Variants in GSE1 observed in about 807,000 individuals in gnomAD.
GSE1 encodes Gse1 coiled-coil protein, also known as genetic suppressor element 1.
In GSE1, 32 loss-of-function variants were observed where a neutral mutation model predicts 112.6. The observed-to-expected ratio is 0.28, with a 90% CI of 0.21 to 0.38. The LOEUF (loss-of-function observed/expected upper bound fraction) is 0.38. GSE1 is among the 10% of genes least tolerant of loss of function. The pLI, the probability that GSE1 is intolerant of heterozygous loss-of-function variation, is 1.00. For synonymous variants in GSE1, 1,115 were observed against 735.6 expected (o/e 1.52, Z -8.35); for missense variants, 2,348 against 1,699.2 (o/e 1.38, Z -6.71).
At chr16:85,329,999 C>T (rs1197268341) in intron 1 of GSE1, among the ~76,000 whole-genome samples, 1 of 152,114 alleles carries the variant, frequency 6.6e-6, no homozygotes, top group Non-Finnish European at 1.5e-5. Context: ...ATTTTCTGCC[C>T]CCTGGCAGAT....
At chr16:85,266,201 A>G (rs923168733) in intron 1 of GSE1, among the ~76,000 whole-genome samples, 1 of 151,974 alleles carries the variant, frequency 6.6e-6, no homozygotes, top group African/African-American at 2.4e-5. Context: ...GTTTCTGGGC[A>G]CCTTGGGGGC....
At chr16:85,230,492 C>T (rs964793491) in intron 1 of GSE1, among the ~76,000 whole-genome samples, 2 of 152,208 alleles carry the variant, frequency 1.3e-5, no homozygotes, top group South Asian at 2.1e-4. Context: ...GCTTCAGCCT[C>T]TTGGATGCAG....
intron 2 of GSE1, among the ~76,000 whole-genome samples, chr16:85,531,903 C>A (rs1319114865): frequency 6.6e-6 from 1 of 152,154 alleles, no homozygotes; most frequent in East Asian, 1.9e-4. Context: ...AGGCTCTCCT[C>A]CCTCTCTCTT....
At chr16:85,347,579 TG>T (rs2046768684) in intron 1 of GSE1, among the ~76,000 whole-genome samples, 1 of 151,868 alleles carries the variant, frequency 6.6e-6, no homozygotes, top group South Asian at 2.1e-4. Context: ...GAAAGACCCG[TG>T]CCCCACCCGC....
chr16:85,622,711 A>T (rs1427130363), intron 1 of GSE1, among the ~76,000 whole-genome samples: 1 of 152,088 alleles, frequency 6.6e-6, no homozygotes, highest in Non-Finnish European at 1.5e-5. Context: ...GCTTGCTTTG[A>T]TTCAGGGGAG....
At position 85,226,684 on chromosome 16, in the gene GSE1, C is replaced by T. The variant is rs141328064; in HGVS notation, c.2283+54877C>T. Among the ~76,000 whole-genome samples, 1,292 of 151,754 alleles carry T rather than the reference C, an allele frequency of 8.5e-3. 12 individuals carry two copies. Among genetic ancestry groups the T allele is most frequent in the Non-Finnish European group, 0.012 (823 of 67,956 alleles). ...ACAGGGGGCTCGGCATGGGGACTGG[C>T]ATGATGGGTGTCCCCTGCTGGGAGG... is the stretch of plus-strand genomic sequence containing the variant. On this transcript the variant is annotated intron_variant, in intron 1 of 2. Transcript: ENST00000637419.
At chr16:85,442,615 G>A (rs922769140) in intron 2 of GSE1, among the ~76,000 whole-genome samples, 6 of 152,184 alleles carry the variant, frequency 3.9e-5, no homozygotes, top group African/African-American at 1.2e-4. Flanking sequence ...CAGGTGTGAC[G>A]TGACTGCTGT....
At chr16:85,534,470 G>A (rs1231116718) in intron 2 of GSE1, among the ~76,000 whole-genome samples, 2 of 152,096 alleles carry the variant, frequency 1.3e-5, no homozygotes, top group African/African-American at 4.8e-5. Flanking sequence ...ACATTACGTG[G>A]AATCCTGCAG....
At chr16:85,586,585 G>T (rs1598285506) in intron 1 of GSE1, among the ~76,000 whole-genome samples, 1 of 152,340 alleles carries the variant, frequency 6.6e-6, no homozygotes, top group Middle Eastern at 3.4e-3. Context: ...AGGCCGCATG[G>T]CCAAGAGTCG....
Position 85,491,174 on chromosome 16 carries a change from C to T in GSE1, c.2464+133531C>T, listed in dbSNP as rs183129879. ...GAGCCTTCTCAGCTGCAGGTCAGCC[C>T]GGAGCCGCTAGTAGGCACTGTTGTG... On this transcript the variant is annotated intron_variant, in intron 2 of 2. Transcript: ENST00000637419. Among the ~76,000 whole-genome samples, 273 of 152,290 alleles carry T rather than the reference C, an allele frequency of 1.8e-3. 2 individuals carry two copies. The highest frequency in any genetic ancestry group is 8.7e-3 in the South Asian group (42 of 4,828).
chr16:85,664,784 C>T (rs574268776), intron 11 of GSE1: 5 of 489,110 alleles, frequency 1.0e-5, no homozygotes, highest in African/African-American at 5.8e-5. Context: ...ACCGCACGGA[C>T]AGCTGTCTTT....
In GSE1 at chr16:85,242,590, T is replaced by C. The variant is rs530736351; in HGVS notation, c.2283+70783T>C. On this transcript the variant is annotated intron_variant, in intron 1 of 2. Transcript: ENST00000637419. ...CACTGAGGCCCATCCAGGACAGCCG[T>C]GCCTGCTGGGCTTGAGGGAGCAGCC... Among the ~76,000 whole-genome samples, 15 of 152,320 alleles carry C rather than the reference T, an allele frequency of 9.8e-5. No homozygotes were observed. In the East Asian group the frequency reaches 2.7e-3, roughly 27 times the overall value.
chr16:85,469,524 C>T (rs192454336), intron 2 of GSE1, among the ~76,000 whole-genome samples: 62 of 152,260 alleles, frequency 4.1e-4, no homozygotes, highest in Admixed American at 2.2e-3. Context: ...CCCAGTTTGT[C>T]GCCGTTTGTT....
chr16:85,326,515 C>G (rs2046231130), intron 1 of GSE1, among the ~76,000 whole-genome samples: 2 of 152,212 alleles, frequency 1.3e-5, no homozygotes, highest in Admixed American at 6.5e-5. Flanking sequence ...CTATGCCGTT[C>G]TTGTGATCAT....
chr16:85,499,808 A>T (rs1403264991), intron 2 of GSE1, among the ~76,000 whole-genome samples: 1 of 152,266 alleles, frequency 6.6e-6, no homozygotes, highest in African/African-American at 2.4e-5. Context: ...AAACATAAAA[A>T]GATAACATAT....
intron 1 of GSE1, among the ~76,000 whole-genome samples, chr16:85,229,650 G>A (rs2075548175): frequency 6.6e-6 from 1 of 152,240 alleles, no homozygotes; most frequent in Admixed American, 6.5e-5. Context: ...ACCCAGGCAG[G>A]TTGGCTCCAG....
intron 1 of GSE1, among the ~76,000 whole-genome samples, chr16:85,280,705 C>G (rs1018606541): frequency 6.6e-6 from 1 of 152,224 alleles, no homozygotes; most frequent in African/African-American, 2.4e-5. Context: ...CACATGGTCT[C>G]TTTAATTTGG....
chr16:85,291,877 T>C (rs2045225285), intron 1 of GSE1, among the ~76,000 whole-genome samples: 8 of 152,142 alleles, frequency 5.3e-5, no homozygotes, highest in Admixed American at 3.9e-4. Context: ...GGCCCTTATT[T>C]CCCTCCTGCT....
At chr16:85,481,932 G>T (rs1484183000) in intron 2 of GSE1, among the ~76,000 whole-genome samples, 1 of 152,240 alleles carries the variant, frequency 6.6e-6, no homozygotes, top group Non-Finnish European at 1.5e-5. Context: ...CTCAGCCGCC[G>T]ACGGACCATA....
Sources: gnomAD v4.1 joint callset for allele counts (sites outside exome capture counted in the v4.1 genomes callset) on GRCh38, gnomAD v4.1.1 for gene constraint, MANE v1.5 for transcripts, NCBI Gene and HGNC (gene_info 2026-07-23, HGNC 2026-07-21) for gene names.